DMD: variants seen among roughly 807,000 people sequenced by gnomAD.
DMD encodes dystrophin.
In DMD, 63 loss-of-function variants were observed where a neutral mutation model predicts 330.1. That is an observed-to-expected ratio of 0.19 (90% CI 0.16 to 0.24). The LOEUF (loss-of-function observed/expected upper bound fraction) is 0.24. Among genes scored for constraint, DMD ranks in the 10% least tolerant of loss-of-function variants. The pLI, the probability that DMD is intolerant of heterozygous loss-of-function variation, is 1.00. For missense variants in DMD, 3,344 were observed against 2,684.1 expected, an observed-to-expected ratio of 1.25 and a Z score of -5.43; for synonymous variants, 1,223 against 959.8, an observed-to-expected ratio of 1.27 and a Z score of -5.07.
chrX:31,375,480 C>A (rs2059838154), intron 60 of DMD, among the ~76,000 whole-genome samples: 1 of 111,280 alleles, frequency 9.0e-6, no homozygotes, highest in African/African-American at 3.3e-5. Flanking sequence ...AAAAAAGGTA[C>A]ACAGTTGTTA....
intron 44 of DMD, among the ~76,000 whole-genome samples, chrX:32,084,746 C>A (rs1020891922): frequency 2.7e-5 from 3 of 111,188 alleles, no homozygotes; most frequent in Non-Finnish European, 5.7e-5. Context: ...GGACAACAGA[C>A]CTGCTATTGG....
At chrX:31,386,337 G>A (rs1201561196) in intron 60 of DMD, among the ~76,000 whole-genome samples, 22 of 111,046 alleles carry the variant, frequency 2.0e-4, no homozygotes, top group African/African-American at 6.9e-4. Flanking sequence ...TAACAAACCT[G>A]CACGTTGTGC....
intron 59 of DMD, among the ~76,000 whole-genome samples, chrX:31,448,027 A>G (rs988058906): frequency 8.3e-5 from 9 of 109,086 alleles, no homozygotes; most frequent in South Asian, 3.9e-4. Context: ...AAAAAAAAAA[A>G]AAAAAAGAAA....
At chrX:31,486,551 C>T (rs1169301628) in intron 57 of DMD, among the ~76,000 whole-genome samples, 1 of 111,813 alleles carries the variant, frequency 8.9e-6, no homozygotes, top group Non-Finnish European at 1.9e-5. Flanking sequence ...CATGTCCAAA[C>T]ACTCAGAAGT....
chrX:32,462,420 C>T (rs2098386642), intron 25 of DMD, among the ~76,000 whole-genome samples: 1 of 111,795 alleles, frequency 8.9e-6, no homozygotes, highest in African/African-American at 3.2e-5. Context: ...TATTGGTGAA[C>T]TTAAAAGTAT....
At chrX:33,054,966 A>G (rs1252843989) in intron 1 of DMD, among the ~76,000 whole-genome samples, 1 of 111,926 alleles carries the variant, frequency 8.9e-6, no homozygotes, top group Non-Finnish European at 1.9e-5. Flanking sequence ...GCAGGGGGAT[A>G]GGTCTCTAGC....
chrX:32,358,235 G>T (rs770568436), intron 37 of DMD, among the ~76,000 whole-genome samples: 1 of 110,804 alleles, frequency 9.0e-6, no homozygotes, highest in Non-Finnish European at 1.9e-5. Context: ...GGATGGAGAG[G>T]GGTAGAACTG....
At chrX:32,380,806 A>G in intron 33 of DMD, 126 bp from the exon 34 acceptor site, 1 of 549,806 alleles carries the variant, frequency 1.8e-6, no homozygotes, top group Non-Finnish European at 2.8e-6. Flanking sequence ...GTTTTAAAAT[A>G]ATATTTTATA....
intron 60 of DMD, among the ~76,000 whole-genome samples, chrX:31,434,420 A>G (rs896300429): frequency 0.1 from 1,325 of 12,779 alleles, 25 homozygotes; most frequent in African/African-American, 0.19. Context: ...GCGCGCGCGC[A>G]CACACACACA....
rs186204419 is a variant in DMD at position 31,338,291 on chromosome X, C to T, written c.9163+10265G>A. The stretch of plus-strand genomic sequence containing the variant: ...CCAGCCTGGCCAACCTAGTGAAACC[C>T]CGTCTCTAGTAAAAATACAAAAAAA... On this transcript the variant is annotated intron_variant, in intron 61 of 78. Coordinates refer to ENST00000357033, the MANE Select transcript of DMD (RefSeq NM_004006.3). 6.0e-3 allele frequency among the ~76,000 whole-genome samples: 562 copies of T among 93,364 alleles called. 6 individuals carry two copies. Among genetic ancestry groups the T allele is most frequent in the African/African-American group, 0.022 (541 of 25,090 alleles). 81.1% of individuals were successfully genotyped at this position (93,364 alleles called of 115,157 possible).
intron 16 of DMD, among the ~76,000 whole-genome samples, chrX:32,560,926 A>T (rs1391362092): frequency 8.9e-6 from 1 of 111,851 alleles, no homozygotes; most frequent in Non-Finnish European, 1.9e-5. Context: ...TTATAATAGG[A>T]TGATTTATAT....
chrX:32,222,631 G>A (rs183699176), intron 43 of DMD, among the ~76,000 whole-genome samples: 1 of 112,057 alleles, frequency 8.9e-6, no homozygotes, highest in East Asian at 2.8e-4. Flanking sequence ...AGTATGAGTA[G>A]TAGTAGTTGT....
chrX:31,489,377 C>T (rs1386816886), intron 57 of DMD, among the ~76,000 whole-genome samples: 1 of 111,879 alleles, frequency 8.9e-6, no homozygotes, highest in South Asian at 3.8e-4. Flanking sequence ...CAGGGATCTG[C>T]CTGTTTCAGC....
chrX:32,525,598 C>T (rs1438388719), intron 17 of DMD, among the ~76,000 whole-genome samples: 1 of 111,714 alleles, frequency 9.0e-6, no homozygotes, highest in Non-Finnish European at 1.9e-5. Context: ...TAGCAACTAT[C>T]GCTTCATCAC....
intron 59 of DMD, among the ~76,000 whole-genome samples, chrX:31,467,219 G>A (rs984994739): frequency 3.6e-5 from 4 of 111,481 alleles, no homozygotes; most frequent in Non-Finnish European, 7.5e-5. Context: ...CGAGTGGTGG[G>A]AGAGGGCATC....
chrX:32,707,217 G>A (rs1032668287), intron 7 of DMD, among the ~76,000 whole-genome samples: 1 of 112,314 alleles, frequency 8.9e-6, no homozygotes, highest in African/African-American at 3.2e-5. Flanking sequence ...GTAAATAAAT[G>A]ATCCCAGAGA....
At chrX:32,533,502 TA>T (rs959788285) in intron 17 of DMD, among the ~76,000 whole-genome samples, 2 of 111,879 alleles carry the variant, frequency 1.8e-5, no homozygotes, top group Non-Finnish European at 3.8e-5. Flanking sequence ...AATTTTCCCA[TA>T]AGTCTTCCAT....
At chrX:32,736,388 G>T (rs752385419) in intron 7 of DMD, among the ~76,000 whole-genome samples, 2 of 111,053 alleles carry the variant, frequency 1.8e-5, no homozygotes, top group Non-Finnish European at 3.8e-5. Context: ...ACTAGAAATC[G>T]CATTTGACCC....
chrX:32,973,029 T>C (rs965901127), intron 2 of DMD, among the ~76,000 whole-genome samples: 26 of 111,915 alleles, frequency 2.3e-4, no homozygotes, highest in African/African-American at 8.1e-4. Flanking sequence ...CTATATAATG[T>C]ATGTTTCCTC....
Sources: allele counts gnomAD v4.1 joint callset (sites outside exome capture counted in the v4.1 genomes callset), GRCh38; gene constraint gnomAD v4.1.1; transcripts MANE v1.5; gene names NCBI Gene and HGNC (gene_info 2026-07-23, HGNC 2026-07-21).